The following FRMPD4 variants were observed in gnomAD, a reference collection of about 807,000 sequenced individuals.
The protein encoded by FRMPD4 is FERM and PDZ domain containing 4, also known as FERM and PDZ domain-containing protein 4.
In FRMPD4, 22 loss-of-function variants were observed where a neutral mutation model predicts 94.1. That is an observed-to-expected ratio of 0.23 (90% CI 0.17 to 0.33). The LOEUF is 0.33. Among genes scored for constraint, FRMPD4 ranks in the 10% least tolerant of loss-of-function variants. FRMPD4 has a pLI of 1.00. For missense variants in FRMPD4, 1,111 were observed against 1,339.9 expected, an observed-to-expected ratio of 0.83 and a Z score of 2.67; for synonymous variants, 631 against 548.6, an observed-to-expected ratio of 1.15 and a Z score of -2.10.
chrX:11,988,503 G>A (rs2054445784), intron 3 of FRMPD4, among the ~76,000 whole-genome samples: 1 of 111,924 alleles, frequency 8.9e-6, no homozygotes, highest in Admixed American at 9.5e-5. Flanking sequence ...AAACTTTGGA[G>A]AAGCTCTCTA....
At chrX:11,832,152 T>C (rs1368505788) in intron 1 of FRMPD4, among the ~76,000 whole-genome samples, 2 of 111,602 alleles carry the variant, frequency 1.8e-5, no homozygotes, top group Non-Finnish European at 1.9e-5. Flanking sequence ...TGTTACGTTA[T>C]TGCTGATCCC....
chrX:11,882,395 G>T (rs181969006), intron 3 of FRMPD4, among the ~76,000 whole-genome samples: 1 of 111,118 alleles, frequency 9.0e-6, no homozygotes, highest in East Asian at 2.8e-4. Flanking sequence ...GAGAGACTGT[G>T]AACAGATTTA....
At chrX:11,872,859 A>C (rs773816542) in intron 2 of FRMPD4, among the ~76,000 whole-genome samples, 30 of 112,614 alleles carry the variant, frequency 2.7e-4, no homozygotes, top group Non-Finnish European at 4.5e-4. Context: ...CAAAAGCATG[A>C]AAGTGAAGGA....
intron 1 of FRMPD4, among the ~76,000 whole-genome samples, chrX:12,390,991 A>G (rs1220196461): frequency 8.9e-6 from 1 of 112,238 alleles, no homozygotes; most frequent in South Asian, 3.7e-4. Flanking sequence ...GGTACTTCAT[A>G]GAGTCAGTCC....
intron 1 of FRMPD4, among the ~76,000 whole-genome samples, chrX:12,485,002 C>T (rs1320653334): frequency 8.9e-6 from 1 of 112,289 alleles, no homozygotes; most frequent in African/African-American, 3.2e-5. Flanking sequence ...GCTTTGCAAG[C>T]CATACAGTCT....
chrX:11,851,425 C>T (rs946483462), intron 1 of FRMPD4, among the ~76,000 whole-genome samples: 16 of 111,046 alleles, frequency 1.4e-4, no homozygotes, highest in African/African-American at 4.9e-4. Flanking sequence ...TGCTTGGTTG[C>T]CCCCTGACTT....
intron 1 of FRMPD4, among the ~76,000 whole-genome samples, chrX:11,827,633 C>G (rs1435180265): frequency 9.0e-6 from 1 of 111,602 alleles, no homozygotes; most frequent in Non-Finnish European, 1.9e-5. Context: ...CATTTAGCGC[C>G]TGAATAATGC....
chrX:12,555,672 G>A (rs1219419448), intron 2 of FRMPD4, among the ~76,000 whole-genome samples: 1 of 111,376 alleles, frequency 9.0e-6, no homozygotes, highest in Non-Finnish European at 1.9e-5. Flanking sequence ...CAAATCAAGT[G>A]CAGTCTTCTA....
chrX:11,885,749 C>T (rs1401704768), intron 3 of FRMPD4, among the ~76,000 whole-genome samples: 1 of 110,599 alleles, frequency 9.0e-6, no homozygotes, highest in African/African-American at 3.3e-5. Flanking sequence ...ATGAACTCCT[C>T]TATACTTAAT....
At chrX:12,220,810 T>A (rs1164455390) in intron 1 of FRMPD4, among the ~76,000 whole-genome samples, 1 of 112,466 alleles carries the variant, frequency 8.9e-6, no homozygotes, top group Non-Finnish European at 1.9e-5. Context: ...TAACTTAATC[T>A]TTTTCTGTAG....
chrX:12,619,949 T>C (rs1190887016), intron 4 of FRMPD4, among the ~76,000 whole-genome samples: 1 of 112,567 alleles, frequency 8.9e-6, no homozygotes, highest in Admixed American at 9.3e-5. Flanking sequence ...ACACCCTGTG[T>C]CCCCTCAGGC....
chrX:12,336,968 G>A (rs2055536491), intron 1 of FRMPD4, among the ~76,000 whole-genome samples: 1 of 111,314 alleles, frequency 9.0e-6, no homozygotes. Flanking sequence ...TGCTGGCAGG[G>A]CTTGAGTGGG....
At chrX:12,259,239 T>G (rs990260792) in intron 1 of FRMPD4, among the ~76,000 whole-genome samples, 5 of 111,576 alleles carry the variant, frequency 4.5e-5, no homozygotes, top group African/African-American at 1.6e-4. Flanking sequence ...ATTCTAGCCA[T>G]CCAGAAGTGG....
intron 4 of FRMPD4, among the ~76,000 whole-genome samples, chrX:12,655,203 T>G (rs1212920429): frequency 1.8e-5 from 2 of 112,590 alleles, no homozygotes. Flanking sequence ...CTTTGAATCT[T>G]TAGAAATCAG....
At chrX:11,881,408 T>C (rs1358166686) in intron 3 of FRMPD4, among the ~76,000 whole-genome samples, 1 of 112,330 alleles carries the variant, frequency 8.9e-6, no homozygotes, top group East Asian at 2.8e-4. Flanking sequence ...AAATACCCTT[T>C]AATGGATGAA....
Position 12,710,452 on chromosome X carries a change from G to A in FRMPD4, c.1524G>A (p.Thr508=), listed in dbSNP as rs761417445. 5 of 1,199,769 alleles carry A rather than the reference G, an allele frequency of 4.2e-6. No homozygotes were observed. The highest frequency in any genetic ancestry group is 5.9e-5 in the East Asian group (2 of 33,778). ...SSDAMNLACL[T]AGYYRLLVDS... ...ATGCCATGAACCTGGCCTGCTTGAC[G>A]GCTGGATACTACCGGCTGCTTGTTG... The change falls in exon 14 of 17, where the codon ACG becomes ACA. Residue 508 remains threonine (T), a synonymous_variant. Coordinates refer to ENST00000675598, the MANE Select transcript of FRMPD4 (RefSeq NM_001368397.1).
At chrX:12,576,004 T>A (rs1266149376) in intron 2 of FRMPD4, among the ~76,000 whole-genome samples, 1 of 112,312 alleles carries the variant, frequency 8.9e-6, no homozygotes, top group African/African-American at 3.2e-5. Context: ...ATGGCGGCAA[T>A]GGGAAACTAA....
intron 2 of FRMPD4, among the ~76,000 whole-genome samples, chrX:11,866,509 CAGTGAT>C: frequency 8.9e-6 from 1 of 111,790 alleles, no homozygotes; most frequent in African/African-American, 3.2e-5. Flanking sequence ...CTGTGAGCTA[CAGTGAT>C]GGTCTTCAAG....
intron 2 of FRMPD4, among the ~76,000 whole-genome samples, chrX:12,544,415 A>G (rs2058453122): frequency 8.9e-6 from 1 of 111,825 alleles, no homozygotes; most frequent in Non-Finnish European, 1.9e-5. Context: ...TAACTATTCA[A>G]GCATATACAA....
Sources: allele counts gnomAD v4.1 joint callset (sites outside exome capture counted in the v4.1 genomes callset), GRCh38; gene constraint gnomAD v4.1.1; transcripts MANE v1.5; gene names NCBI Gene and HGNC (gene_info 2026-07-23, HGNC 2026-07-21).